The following TSHZ3 variants were observed in gnomAD, a reference collection of about 807,000 sequenced individuals.
TSHZ3 encodes teashirt zinc finger homeobox 3.
TSHZ3 carries 10 observed loss-of-function variants against 64.5 expected under a neutral mutation model. The ratio of observed to expected loss-of-function variants is 0.16; its 90% CI spans 0.10 to 0.26. The LOEUF (loss-of-function observed/expected upper bound fraction) is 0.26. Among genes scored for constraint, TSHZ3 ranks in the 10% least tolerant of loss-of-function variants. TSHZ3 has a pLI of 1.00. For synonymous variants in TSHZ3, 608 were observed against 593.1 expected, an observed-to-expected ratio of 1.03 and a Z score of -0.36; for missense variants, 1,242 against 1,421.7, an observed-to-expected ratio of 0.87 and a Z score of 2.03.
intron 1 of TSHZ3, among the ~76,000 whole-genome samples, chr19:31,252,478 G>C (rs1038969846): frequency 5.3e-5 from 8 of 152,156 alleles, no homozygotes; most frequent in Non-Finnish European, 1.2e-4. Context: ...ATCTCATCTT[G>C]AATTATAATC....
intron 1 of TSHZ3, chr19:31,348,918 G>A (rs1160379294): frequency 2.2e-6 from 1 of 451,356 alleles, no homozygotes; most frequent in Admixed American, 4.3e-5. Context: ...AGCTGAGGAG[G>A]TAGGGACCTG....
Position 31,206,119 on chromosome 19 carries a change from GGATGGATGGATA to G in TSHZ3, n.687-1053_687-1042del, listed in dbSNP as rs1273695693. Among the ~76,000 whole-genome samples the G allele has an allele frequency of 4.2e-4, 60 of 142,006 alleles. 1 individual carries two copies. In the South Asian group the frequency reaches 9.0e-3, roughly 21 times the overall value. 93.2% of individuals were successfully genotyped at this position (142,006 alleles called of 152,430 possible). On this transcript the variant is annotated intron_variant and non_coding_transcript_variant, in intron 4 of 6. Coordinates refer to the TSHZ3 transcript ENST00000651361. ...TGGATGGATGGATGGATGGATGGATGGATGGATGGATAAATGAATGGATGGATGTGTGAATGG... is the reference window on the plus strand; with the variant it reads ...TGGATGGATGGATGGATGGATGGATGAATGAATGGATGGATGTGTGAATGG...
chr19:31,258,739 A>G (rs1287299844), intron 1 of TSHZ3, among the ~76,000 whole-genome samples: 1 of 152,206 alleles, frequency 6.6e-6, no homozygotes, highest in Non-Finnish European at 1.5e-5. Context: ...CTCGGAGACT[A>G]GCTGTCAATC....
Position 31,241,891 on chromosome 19 carries a change from A to G in TSHZ3, n.550+378T>C, listed in dbSNP as rs531268323. Among the ~76,000 whole-genome samples, 5 of 152,336 alleles carry G rather than the reference A, an allele frequency of 3.3e-5. No homozygotes were observed. The South Asian group carries it at 1.0e-3, about 32-fold the overall frequency. ...TTTTATAGTTCTTTATGACAAGAGA[A>G]CCAACTGAGCTATTCCGTAAACCTG... On this transcript the variant is annotated intron_variant and non_coding_transcript_variant, in intron 3 of 6. Transcript: ENST00000651361.
intron 5 of TSHZ3, among the ~76,000 whole-genome samples, chr19:31,190,239 G>A (rs904560767): frequency 2.0e-5 from 3 of 152,094 alleles, no homozygotes; most frequent in African/African-American, 7.2e-5. Flanking sequence ...ATGTTCCCTG[G>A]AGTTTTTGGC....
chr19:31,226,627 C>T (rs997054228), intron 4 of TSHZ3, among the ~76,000 whole-genome samples: 3 of 152,072 alleles, frequency 2.0e-5, no homozygotes, highest in Non-Finnish European at 2.9e-5. Flanking sequence ...CCCTGCTAAC[C>T]GCTCTAAATC....
At chr19:31,230,209 A>T (rs572540652) in intron 3 of TSHZ3, among the ~76,000 whole-genome samples, 1 of 152,360 alleles carries the variant, frequency 6.6e-6, no homozygotes, top group African/African-American at 2.4e-5. Flanking sequence ...TCATAAAAAA[A>T]TCATACTGAG....
In TSHZ3 at chr19:31,340,321, G is replaced by C. The variant is rs1484201942; in HGVS notation, c.40+8859C>G. 4.9e-5 allele frequency among the ~76,000 whole-genome samples: 5 copies of C among 102,900 alleles called. No homozygotes were observed. The Admixed American group carries it at 6.4e-4, about 13-fold the overall frequency. 67.5% of individuals were successfully genotyped at this position (102,900 alleles called of 152,430 possible). A position where few individuals can be genotyped will look rare whatever the true frequency, so the allele number is the denominator to read the frequency against. On this transcript the variant is annotated intron_variant, in intron 1 of 1. Coordinates refer to ENST00000240587, the MANE Select transcript of TSHZ3 (RefSeq NM_020856.4). ...GAATCTTATGGAGGAACATTAATTAGCAACAGGCCTACAGTACAAAAAAAA... is the reference window on the plus strand; with the variant it reads ...GAATCTTATGGAGGAACATTAATTACCAACAGGCCTACAGTACAAAAAAAA...
intron 5 of TSHZ3, among the ~76,000 whole-genome samples, chr19:31,170,780 G>T (rs562055271): frequency 2.3e-4 from 35 of 152,288 alleles, no homozygotes; most frequent in South Asian, 2.1e-4. Context: ...GTTGTTAAAA[G>T]AAATTTCTTC....
intron 4 of TSHZ3, among the ~76,000 whole-genome samples, chr19:31,226,368 T>TGA (rs1975461395): frequency 6.6e-6 from 1 of 152,150 alleles, no homozygotes; most frequent in East Asian, 1.9e-4. Context: ...ACTGTTCTCA[T>TGA]GGTAGTGAAC....
chr19:31,212,214 G>T (rs1975266238), intron 4 of TSHZ3, among the ~76,000 whole-genome samples: 1 of 152,078 alleles, frequency 6.6e-6, no homozygotes, highest in Admixed American at 6.6e-5. Flanking sequence ...CCAGCAATTT[G>T]GGAGGCCAAG....
intron 1 of TSHZ3, among the ~76,000 whole-genome samples, chr19:31,302,550 T>A (rs1297520904): frequency 1.3e-5 from 2 of 152,170 alleles, no homozygotes; most frequent in Non-Finnish European, 2.9e-5. Flanking sequence ...AAGTTTTGTT[T>A]TCTAAAATCT....
chr19:31,162,189 T>A (rs1443556888), intron 5 of TSHZ3, among the ~76,000 whole-genome samples: 1 of 152,034 alleles, frequency 6.6e-6, no homozygotes, highest in Non-Finnish European at 1.5e-5. Context: ...GATCACTTTT[T>A]CCCCAGCACC....
intron 5 of TSHZ3, among the ~76,000 whole-genome samples, chr19:31,171,910 G>T (rs558432212): frequency 6.6e-6 from 1 of 152,106 alleles, no homozygotes; most frequent in African/African-American, 2.4e-5. Context: ...TCTTCTCCCC[G>T]CTCAGGTATT....
intron 5 of TSHZ3, among the ~76,000 whole-genome samples, chr19:31,170,257 A>C (rs1974518611): frequency 6.6e-6 from 1 of 151,950 alleles, no homozygotes; most frequent in Non-Finnish European, 1.5e-5. Context: ...GCAGACAAGC[A>C]CCTCCCTGGT....
chr19:31,177,459 T>C (rs1974629039), intron 5 of TSHZ3, among the ~76,000 whole-genome samples: 1 of 152,226 alleles, frequency 6.6e-6, no homozygotes, highest in East Asian at 1.9e-4. Flanking sequence ...CCGTCTGCAA[T>C]GTTCCTTGGC....
At chr19:31,155,150 A>T (rs1328770709) in intron 6 of TSHZ3, among the ~76,000 whole-genome samples, 1 of 152,214 alleles carries the variant, frequency 6.6e-6, no homozygotes, top group Non-Finnish European at 1.5e-5. Flanking sequence ...CACTGTCTCC[A>T]TCAGCCCCAT....
intron 3 of TSHZ3, among the ~76,000 whole-genome samples, chr19:31,235,371 A>G (rs146789698): frequency 2.6e-4 from 40 of 151,812 alleles, no homozygotes; most frequent in Non-Finnish European, 3.5e-4. Flanking sequence ...AACCCCTGAT[A>G]GGCACCATTC....
chr19:31,205,639 G>A (rs767317725), intron 4 of TSHZ3, among the ~76,000 whole-genome samples: 3 of 152,168 alleles, frequency 2.0e-5, no homozygotes, highest in Non-Finnish European at 2.9e-5. Context: ...TCTGCCATTT[G>A]TTTCCAGTCC....
Sources: allele counts gnomAD v4.1 joint callset (sites outside exome capture counted in the v4.1 genomes callset), GRCh38; gene constraint gnomAD v4.1.1; transcripts MANE v1.5; gene names NCBI Gene and HGNC (gene_info 2026-07-23, HGNC 2026-07-21).